VPS35L: variants seen among roughly 807,000 people sequenced by gnomAD.
VPS35L encodes the protein VPS35 endosomal protein sorting factor like, also known as VPS35 endosomal protein-sorting factor-like.
VPS35L carries 83 observed loss-of-function variants against 133.0 expected under a neutral mutation model. The observed-to-expected ratio is 0.62, with a 90% CI of 0.52 to 0.75. The LOEUF (loss-of-function observed/expected upper bound fraction) is 0.75. VPS35L is among the 30% of genes least tolerant of loss of function. VPS35L has a pLI of 0.00. For missense variants in VPS35L, 1,083 were observed against 1,206.8 expected (o/e 0.90, Z 1.52); for synonymous variants, 423 against 449.9 (o/e 0.94, Z 0.76).
intron 27 of VPS35L, among the ~76,000 whole-genome samples, chr16:19,674,418 A>T (rs144173166): frequency 1.6e-3 from 234 of 150,678 alleles, no homozygotes; most frequent in Non-Finnish European, 2.6e-3. Flanking sequence ...CTGGTCTCGA[A>T]CTCCTGAGCT....
At chr16:19,609,540 C>T (rs226898) in intron 11 of VPS35L, among the ~76,000 whole-genome samples, 44,878 of 152,034 alleles carry the variant, frequency 0.3, 7,264 homozygotes, top group African/African-American at 0.4. Flanking sequence ...AGGTCCATGC[C>T]ACTCAATTTA....
chr16:19,580,678 C>G (rs1483722994), intron 6 of VPS35L, among the ~76,000 whole-genome samples: 2 of 152,028 alleles, frequency 1.3e-5, no homozygotes, highest in African/African-American at 4.8e-5. Flanking sequence ...TCTTTCTGTC[C>G]TGATTACTCT....
chr16:19,689,772 T>G (rs1189453259), intron 28 of VPS35L, among the ~76,000 whole-genome samples: 1 of 152,152 alleles, frequency 6.6e-6, no homozygotes, highest in African/African-American at 2.4e-5. Context: ...TACCTACCCA[T>G]TACTATATAG....
chr16:19,664,575 C>CA (rs1974598240), intron 26 of VPS35L, among the ~76,000 whole-genome samples: 1 of 145,390 alleles, frequency 6.9e-6, no homozygotes. Context: ...GAAATATAAG[C>CA]AGAAAAAAAA....
intron 18 of VPS35L, among the ~76,000 whole-genome samples, chr16:19,632,462 T>G (rs924980236): frequency 1.3e-5 from 2 of 152,228 alleles, no homozygotes; most frequent in Admixed American, 6.5e-5. Flanking sequence ...TCCCTGTAAT[T>G]TATTTGTTGA....
At chr16:19,612,013 G>T (rs1356421004) in intron 12 of VPS35L, among the ~76,000 whole-genome samples, 1 of 147,446 alleles carries the variant, frequency 6.8e-6, no homozygotes, top group African/African-American at 2.5e-5. Flanking sequence ...ATCTCAGCTC[G>T]CTCTAACCTC....
At chr16:19,585,007 T>A (rs1971820443) in intron 7 of VPS35L, among the ~76,000 whole-genome samples, 1 of 152,222 alleles carries the variant, frequency 6.6e-6, no homozygotes, top group South Asian at 2.1e-4. Context: ...TTTTGTCCAT[T>A]TTTTAATTGG....
chr16:19,627,579 C>T, intron 15 of VPS35L, 115 bp from the exon 16 acceptor site: 9 of 806,334 alleles, frequency 1.1e-5, no homozygotes, highest in Admixed American at 8.7e-5. Flanking sequence ...TTTGTTTTTC[C>T]CCAACCCTAC....
chr16:19,575,810 C>G (rs1333132259), intron 5 of VPS35L, among the ~76,000 whole-genome samples: 4 of 149,510 alleles, frequency 2.7e-5, no homozygotes. Flanking sequence ...TTGCAGTGAG[C>G]CAAGATTGCA....
At position 19,700,597 on chromosome 16, in the gene VPS35L, C is replaced by A; in HGVS notation, c.*121C>A. On this transcript the variant is annotated 3_prime_UTR_variant, in exon 31 of 31. Coordinates refer to ENST00000417362, the MANE Select transcript of VPS35L (RefSeq NM_020314.7). ...TTTTTCTTTTCTTTTTACATATGTA[C>A]AAATTGTTTTAAGCTTTGGCCTCTA... 1.2e-6 allele frequency: 1 copy of A among 818,000 alleles called. No individual in the cohort carries two copies. Among genetic ancestry groups the A allele is most frequent in the Non-Finnish European group, 2.0e-6 (1 of 510,148 alleles). The allele number at this position is 818,000 out of a possible 1,614,324, so 50.7% of individuals were successfully genotyped here.
intron 27 of VPS35L, among the ~76,000 whole-genome samples, chr16:19,674,257 T>C (rs1341321939): frequency 7.0e-6 from 1 of 141,980 alleles, no homozygotes; most frequent in African/African-American, 2.6e-5. Context: ...CAGTGCGCGA[T>C]CTCGGCTCAC....
chr16:19,563,448 C>T (rs1417936444), intron 1 of VPS35L, among the ~76,000 whole-genome samples: 1 of 152,106 alleles, frequency 6.6e-6, no homozygotes, highest in African/African-American at 2.4e-5. Context: ...GAGTCTGTAG[C>T]TTGATGTCTT....
chr16:19,609,073 T>C (rs1345821720), intron 11 of VPS35L, 52 bp downstream of exon 11: 1 of 1,473,734 alleles, frequency 6.8e-7, no homozygotes, highest in Non-Finnish European at 9.5e-7. Context: ...AAATCTCCCA[T>C]GTGTACACAG....
At chr16:19,570,858 TA>T (rs1971346950) in intron 3 of VPS35L, among the ~76,000 whole-genome samples, 2 of 56,236 alleles carry the variant, frequency 3.6e-5, no homozygotes, top group Admixed American at 4.0e-4. Flanking sequence ...TATATATATA[TA>T]TATATATATA....
intron 14 of VPS35L, among the ~76,000 whole-genome samples, chr16:19,623,510 A>G (rs566637149): frequency 6.6e-6 from 1 of 152,216 alleles, no homozygotes; most frequent in East Asian, 1.9e-4. Flanking sequence ...GGGAGATATA[A>G]TTCAGTCCGT....
chr16:19,599,520 C>T (rs993733579), intron 8 of VPS35L, among the ~76,000 whole-genome samples: 3 of 150,106 alleles, frequency 2.0e-5, no homozygotes, highest in Non-Finnish European at 4.4e-5. Context: ...TATTCCTAGT[C>T]CTCATCCTCC....
At position 19,569,226 on chromosome 16, in the gene VPS35L, C is replaced by T. The variant is rs1466610987; in HGVS notation, c.118-198C>T. 1.8e-5 allele frequency: 13 copies of T among 732,940 alleles called. No homozygotes were observed. The East Asian group carries it at 3.5e-4, about 20-fold the overall frequency. The allele number at this position is 732,940 out of a possible 1,614,324, so 45.4% of individuals were successfully genotyped here. A position where few individuals can be genotyped will look rare whatever the true frequency, so the allele number is the denominator to read the frequency against. Reference sequence around the variant, plus strand: ...AACACTTCCTAACCCTAACTTCCTACTTTCCCTTCCTTGACAGTTGTGATC... The same window carrying T: ...AACACTTCCTAACCCTAACTTCCTATTTTCCCTTCCTTGACAGTTGTGATC... On this transcript the variant is annotated intron_variant, in intron 2 of 30. Transcript: ENST00000417362.
intron 27 of VPS35L, among the ~76,000 whole-genome samples, chr16:19,669,564 C>T (rs181012802): frequency 4.8e-4 from 73 of 152,198 alleles, no homozygotes; most frequent in Non-Finnish European, 3.4e-4. Context: ...ATTTATTTCT[C>T]AGAGTTCTTA....
At position 19,575,993 on chromosome 16, in the gene VPS35L, TA is replaced by T. The variant is rs768432545; in HGVS notation, c.433+894del. Among the ~76,000 whole-genome samples the T allele has an allele frequency of 2.6e-3, 215 of 82,942 alleles. 2 individuals carry two copies. The highest frequency in any genetic ancestry group is 4.8e-3 in the Admixed American group (33 of 6,866). The allele number at this position is 82,942 out of a possible 152,430, so 54.4% of individuals were successfully genotyped here. A position where few individuals can be genotyped will look rare whatever the true frequency, so the allele number is the denominator to read the frequency against. On this transcript the variant is annotated intron_variant, in intron 5 of 30. Transcript: ENST00000417362. ...CAACAATGTGAAACTCCATCTCTAC[TA>T]AAAAAAAAAAAAAAAAAAAAAATTA...
Sources: allele counts gnomAD v4.1 joint callset (sites outside exome capture counted in the v4.1 genomes callset), GRCh38; gene constraint gnomAD v4.1.1; transcripts MANE v1.5; gene names NCBI Gene and HGNC (gene_info 2026-07-23, HGNC 2026-07-21).